Variants in MARCO observed in about 807,000 individuals in gnomAD.
The protein encoded by MARCO is macrophage receptor with collagenous structure.
A neutral mutation model predicts 70.0 loss-of-function variants in MARCO; 72 were observed. That is an observed-to-expected ratio of 1.03 (90% CI 0.85 to 1.25). MARCO has a LOEUF of 1.25. MARCO is among the 50% of genes most tolerant of loss of function. The pLI is 0.00. For synonymous variants in MARCO, 273 were observed against 243.1 expected (o/e 1.12, Z -1.14); for missense variants, 696 against 659.3 (o/e 1.06, Z -0.61).
intron 1 of MARCO, among the ~76,000 whole-genome samples, chr2:118,961,215 C>G (rs573242479): frequency 6.6e-6 from 1 of 151,748 alleles, no homozygotes; most frequent in African/African-American, 2.4e-5. Context: ...TGCCATATAT[C>G]TTTATAATAG....
chr2:118,947,894 G>GATAAAT (rs1286295405), intron 1 of MARCO, among the ~76,000 whole-genome samples: 2 of 152,120 alleles, frequency 1.3e-5, no homozygotes, highest in Non-Finnish European at 2.9e-5. Flanking sequence ...AATTTTGATA[G>GATAAAT]GCATTGTGTT....
intron 12 of MARCO, among the ~76,000 whole-genome samples, chr2:118,990,381 C>T (rs113843402): frequency 0.025 from 3,807 of 152,176 alleles, 154 homozygotes; most frequent in African/African-American, 0.088. Flanking sequence ...AGTACTTTGC[C>T]GTTTCACCCC....
At chr2:118,994,007 A>G (rs919337859) in intron 16 of MARCO, among the ~76,000 whole-genome samples, 5 of 152,212 alleles carry the variant, frequency 3.3e-5, no homozygotes. Context: ...ACTTTAGAGC[A>G]GGGCGATGGC....
At chr2:118,965,748 C>T (rs899330260) in intron 1 of MARCO, among the ~76,000 whole-genome samples, 1 of 152,162 alleles carries the variant, frequency 6.6e-6, no homozygotes, top group African/African-American at 2.4e-5. Flanking sequence ...CTTGTGTGGG[C>T]TATGGTACAA....
chr2:118,967,580 C>T (rs1482610651), intron 1 of MARCO, among the ~76,000 whole-genome samples: 3 of 152,206 alleles, frequency 2.0e-5, no homozygotes, highest in East Asian at 1.9e-4. Context: ...CCATGCTAAA[C>T]TGAGTATAAT....
At chr2:118,979,731 T>C (rs1426188872) in intron 8 of MARCO, among the ~76,000 whole-genome samples, 1 of 152,196 alleles carries the variant, frequency 6.6e-6, no homozygotes, top group Non-Finnish European at 1.5e-5. Context: ...ACCCCTCCTC[T>C]TCCCAAATTT....
At chr2:118,962,505 T>C (rs373394877) in intron 1 of MARCO, among the ~76,000 whole-genome samples, 3 of 152,244 alleles carry the variant, frequency 2.0e-5, no homozygotes, top group African/African-American at 7.2e-5. Flanking sequence ...ATTCACAATT[T>C]TGTTCTCTGC....
At chr2:118,968,392 C>A (rs572186273) in intron 1 of MARCO, among the ~76,000 whole-genome samples, 6 of 152,118 alleles carry the variant, frequency 3.9e-5, no homozygotes, top group Non-Finnish European at 5.9e-5. Flanking sequence ...AAAATGTCCA[C>A]GAAAATCTTT....
At chr2:118,966,213 T>C (rs1680044520) in intron 1 of MARCO, among the ~76,000 whole-genome samples, 1 of 152,228 alleles carries the variant, frequency 6.6e-6, no homozygotes, top group South Asian at 2.1e-4. Flanking sequence ...TCCTGAGCTA[T>C]GTTTTCATTG....
intron 12 of MARCO, among the ~76,000 whole-genome samples, chr2:118,988,829 C>A: frequency 6.6e-6 from 1 of 152,142 alleles, no homozygotes; most frequent in East Asian, 1.9e-4. Flanking sequence ...TGGACTCAAC[C>A]TCAGTGCCTG....
intron 12 of MARCO, 43 bp from the exon 13 acceptor site, chr2:118,990,546 T>C: frequency 1.9e-6 from 3 of 1,581,148 alleles, no homozygotes; most frequent in Non-Finnish European, 2.6e-6. Context: ...AATACCTAAG[T>C]TTTATTATCT....
chr2:118,989,438 C>T (rs184936311), intron 12 of MARCO, among the ~76,000 whole-genome samples: 12 of 152,330 alleles, frequency 7.9e-5, no homozygotes, highest in Admixed American at 4.6e-4. Flanking sequence ...GGGTCTGCAG[C>T]GGCAGCTCCC....
chr2:118,955,534 G>A (rs1326548659), intron 1 of MARCO, among the ~76,000 whole-genome samples: 1 of 152,136 alleles, frequency 6.6e-6, no homozygotes, highest in East Asian at 1.9e-4. Flanking sequence ...ATACTTGGGG[G>A]AATAATCAAG....
intron 1 of MARCO, among the ~76,000 whole-genome samples, chr2:118,950,498 T>C (rs745450244): frequency 2.8e-4 from 42 of 152,360 alleles, no homozygotes; most frequent in Admixed American, 4.6e-4. Context: ...TCCACATTCT[T>C]ATGCCTCCTT....
chr2:118,969,116 T>A (rs1680111626), intron 1 of MARCO, 44 bp from the exon 2 acceptor site: 1 of 1,382,492 alleles, frequency 7.2e-7, no homozygotes, highest in Non-Finnish European at 1.0e-6. Context: ...CTTCCTGTGC[T>A]GTGTTCTCTG....
chr2:118,991,815 C>A lies in MARCO; in HGVS notation c.1147C>A (p.Leu383Met). 6.3e-7 allele frequency: 1 copy of A among 1,599,710 alleles called. No individual in the cohort carries two copies. Among genetic ancestry groups the A allele is most frequent in the Non-Finnish European group, 8.5e-7 (1 of 1,174,336 alleles). The change falls in exon 14 of 17, where the codon CTG (leucine) becomes ATG (methionine). Residue 383 changes from leucine to methionine, a missense_variant. Transcript: ENST00000327097. Reference sequence around the variant, plus strand: ...GAAGGGAGAACAGGGGAGCCCAGGGCTGGCAGGTCCCAAGGGAGCCCCTGG... The same window carrying A: ...GAAGGGAGAACAGGGGAGCCCAGGGATGGCAGGTCCCAAGGGAGCCCCTGG... Reference protein sequence around the residue: ...GVKGEQGSPGLAGPKGAPGQA... With the variant: ...GVKGEQGSPGMAGPKGAPGQA...
rs1329859830 is a variant in MARCO at position 118,991,882 on chromosome 2, C to G, written c.1207+7C>G. The G allele has an allele frequency of 6.3e-7, 1 of 1,578,414 alleles. No individual in the cohort carries two copies. The highest frequency in any genetic ancestry group is 8.6e-7 in the Non-Finnish European group (1 of 1,159,736). ...GGAGACCAGGGAGTGAAAGGTAAGGCCTCTGCATCTGATTCCTTTGTTCTT... is the reference window on the plus strand; with the variant it reads ...GGAGACCAGGGAGTGAAAGGTAAGGGCTCTGCATCTGATTCCTTTGTTCTT... On this transcript the variant is annotated splice_region_variant and intron_variant, in intron 14 of 16. Coordinates refer to ENST00000327097, the MANE Select transcript of MARCO (RefSeq NM_006770.4).
intron 8 of MARCO, among the ~76,000 whole-genome samples, chr2:118,979,464 C>A (rs1336215724): frequency 6.6e-6 from 1 of 152,100 alleles, no homozygotes; most frequent in East Asian, 1.9e-4. Context: ...CTCTGAGGAT[C>A]CTTCCAAAGC....
rs1013889131 is a variant in MARCO at position 118,942,237 on chromosome 2, T to A, written c.-64T>A. ...TCGATGGGAAGGATCTTTCTCCAAG[T>A]GGTTCCTCTTGAGGGGAGCATTTCT... On this transcript the variant is annotated 5_prime_UTR_variant, in exon 1 of 17. Transcript: ENST00000327097. 17 of 1,010,022 alleles carry A rather than the reference T, an allele frequency of 1.7e-5. No homozygotes were observed. The highest frequency in any genetic ancestry group is 9.4e-6 in the Non-Finnish European group (6 of 641,248). 62.6% of individuals were successfully genotyped at this position (1,010,022 alleles called of 1,614,324 possible).
Sources: allele counts gnomAD v4.1 joint callset (sites outside exome capture counted in the v4.1 genomes callset), GRCh38; gene constraint gnomAD v4.1.1; transcripts MANE v1.5; gene names NCBI Gene and HGNC (gene_info 2026-07-23, HGNC 2026-07-21).